Variants in DCC observed in about 807,000 individuals in gnomAD.
DCC encodes the protein netrin receptor DCC.
A neutral mutation model predicts 172.5 loss-of-function variants in DCC; 58 were observed. The ratio of observed to expected loss-of-function variants is 0.34; its 90% CI spans 0.27 to 0.42. The LOEUF (loss-of-function observed/expected upper bound fraction) is 0.42, where lower values mean the gene tolerates loss of function less well. DCC is among the 10% of genes least tolerant of loss of function. The pLI is 1.00. For missense variants in DCC, 1,740 were observed against 1,791.0 expected, an observed-to-expected ratio of 0.97 and a Z score of 0.51; for synonymous variants, 709 against 644.5, an observed-to-expected ratio of 1.10 and a Z score of -1.52.
intron 1 of DCC, among the ~76,000 whole-genome samples, chr18:52,358,105 C>A (rs1476565262): frequency 6.6e-6 from 1 of 152,060 alleles, no homozygotes; most frequent in African/African-American, 2.4e-5. Context: ...CCCAGTCTTA[C>A]AATGAGAAAA....
chr18:53,495,139 C>T (rs991319763), intron 26 of DCC, among the ~76,000 whole-genome samples: 1 of 152,122 alleles, frequency 6.6e-6, no homozygotes, highest in East Asian at 1.9e-4. Context: ...TGCCTGTAAT[C>T]CCAGCACTTT....
At chr18:52,841,242 C>G (rs1347415442) in intron 2 of DCC, among the ~76,000 whole-genome samples, 1 of 151,354 alleles carries the variant, frequency 6.6e-6, no homozygotes. Flanking sequence ...TGATTTTCTT[C>G]TAAGTACATG....
At chr18:53,006,386 A>C (rs1324910637) in intron 5 of DCC, among the ~76,000 whole-genome samples, 1 of 152,218 alleles carries the variant, frequency 6.6e-6, no homozygotes, top group Non-Finnish European at 1.5e-5. Flanking sequence ...TGATAAGTAT[A>C]AGACAAGGGT....
At chr18:53,484,610 T>C (rs192473080) in intron 25 of DCC, among the ~76,000 whole-genome samples, 4 of 152,206 alleles carry the variant, frequency 2.6e-5, no homozygotes, top group African/African-American at 9.6e-5. Context: ...TTTTTCTGTA[T>C]GGTGTGAGAT....
chr18:53,361,124 C>G (rs549234765), intron 15 of DCC, among the ~76,000 whole-genome samples: 2 of 152,072 alleles, frequency 1.3e-5, no homozygotes, highest in Non-Finnish European at 2.9e-5. Context: ...GTCATGTGAA[C>G]ACAGACACAG....
intron 5 of DCC, among the ~76,000 whole-genome samples, chr18:52,948,313 TGTGTGTG>T (rs1486338477): frequency 7.8e-5 from 3 of 38,526 alleles, no homozygotes; most frequent in African/African-American, 2.9e-4. Flanking sequence ...ACAGTGTTGA[TGTGTGTG>T]TGTGTGTGTG....
chr18:52,654,385 C>A lies in DCC; in HGVS notation c.92-97669C>A, dbSNP rs997996482. Reference sequence around the variant, plus strand: ...ATGGGGAGGAAAGCATTCCCTTATACCTGTATTCATTTTCTAGGGCTGCTA... The same window carrying A: ...ATGGGGAGGAAAGCATTCCCTTATAACTGTATTCATTTTCTAGGGCTGCTA... On this transcript the variant is annotated intron_variant, in intron 1 of 28. Transcript: ENST00000442544. 2.6e-5 allele frequency among the ~76,000 whole-genome samples: 4 copies of A among 152,228 alleles called. No individual in the cohort carries two copies. In the East Asian group the frequency reaches 7.7e-4, roughly 29 times the overall value.
intron 1 of DCC, among the ~76,000 whole-genome samples, chr18:52,711,205 T>C (rs1401959851): frequency 1.3e-5 from 2 of 152,182 alleles, no homozygotes; most frequent in Non-Finnish European, 2.9e-5. Context: ...GATAAAGATA[T>C]AAGGATGAGA....
chr18:52,645,087 T>A (rs987660569), intron 1 of DCC, among the ~76,000 whole-genome samples: 2 of 152,180 alleles, frequency 1.3e-5, no homozygotes, highest in African/African-American at 4.8e-5. Flanking sequence ...TGATTTTGCA[T>A]TTACATTGAG....
intron 25 of DCC, among the ~76,000 whole-genome samples, chr18:53,470,649 A>C (rs1213710876): frequency 1.3e-5 from 2 of 152,286 alleles, no homozygotes; most frequent in Admixed American, 1.3e-4. Flanking sequence ...ATGGCTGAGG[A>C]GGCCTCATGA....
intron 17 of DCC, among the ~76,000 whole-genome samples, chr18:53,393,833 G>A (rs1293322917): frequency 2.0e-5 from 3 of 151,500 alleles, no homozygotes; most frequent in Non-Finnish European, 4.4e-5. Flanking sequence ...AGCCCAAAAA[G>A]ATTTTAACTG....
At chr18:53,517,376 C>T (rs1235652467) in intron 27 of DCC, among the ~76,000 whole-genome samples, 2 of 151,600 alleles carry the variant, frequency 1.3e-5, no homozygotes, top group Admixed American at 6.6e-5. Flanking sequence ...TGCAGCGCAC[C>T]AGCATGGCAC....
At chr18:53,407,528 G>GATATAAATATAT (rs1555666922) in intron 19 of DCC, among the ~76,000 whole-genome samples, 21 of 117,446 alleles carry the variant, frequency 1.8e-4, no homozygotes, top group South Asian at 1.7e-3. Flanking sequence ...TTTTATTCTG[G>GATATAAATATAT]ATATATATAT....
chr18:52,606,268 T>C (rs1030606345), intron 1 of DCC, among the ~76,000 whole-genome samples: 1 of 152,028 alleles, frequency 6.6e-6, no homozygotes, highest in African/African-American at 2.4e-5. Flanking sequence ...TATGTATTGT[T>C]GGACAAGTTG....
chr18:52,955,817 G>C (rs968586481), intron 5 of DCC, among the ~76,000 whole-genome samples: 3 of 151,996 alleles, frequency 2.0e-5, no homozygotes, highest in African/African-American at 7.2e-5. Context: ...GATACTGAAT[G>C]CATGTTATTA....
chr18:52,885,046 G>A (rs73458927), intron 2 of DCC, among the ~76,000 whole-genome samples: 7,180 of 152,148 alleles, frequency 0.047, 232 homozygotes, highest in South Asian at 0.14. Context: ...CTGGAACTGG[G>A]GTTGGGGGCA....
intron 9 of DCC, among the ~76,000 whole-genome samples, chr18:53,181,135 G>A (rs1012228799): frequency 1.3e-5 from 2 of 152,072 alleles, no homozygotes; most frequent in African/African-American, 4.8e-5. Context: ...AAATTTTCCA[G>A]TATTGGAACT....
intron 12 of DCC, among the ~76,000 whole-genome samples, chr18:53,272,838 G>GA (rs1210383584): frequency 6.6e-6 from 1 of 152,070 alleles, no homozygotes; most frequent in Non-Finnish European, 1.5e-5. Context: ...GATTGTTTCG[G>GA]AAAAAGCTGT....
rs1239022716 is a variant in DCC at position 53,531,390 on chromosome 18, G to C, written c.*737G>C. The C allele has an allele frequency of 1.3e-5, 2 of 155,312 alleles. No homozygotes were observed. Among genetic ancestry groups the C allele is most frequent in the Non-Finnish European group, 1.4e-5 (1 of 69,772 alleles). 9.6% of individuals were successfully genotyped at this position (155,312 alleles called of 1,614,324 possible). A position where few individuals can be genotyped will look rare whatever the true frequency, so the allele number is the denominator to read the frequency against. On this transcript the variant is annotated 3_prime_UTR_variant, in exon 29 of 29. Coordinates refer to ENST00000442544, the MANE Select transcript of DCC (RefSeq NM_005215.4). ...GCCAGCAGCAGTACATTTCTGGAAAGAGGATATAATATGCAATCTTCTCAG... is the reference window on the plus strand; with the variant it reads ...GCCAGCAGCAGTACATTTCTGGAAACAGGATATAATATGCAATCTTCTCAG...
Sources: allele counts gnomAD v4.1 joint callset (sites outside exome capture counted in the v4.1 genomes callset), GRCh38; gene constraint gnomAD v4.1.1; transcripts MANE v1.5; gene names NCBI Gene and HGNC (gene_info 2026-07-23, HGNC 2026-07-21).